The following DOCK4 variants were observed in gnomAD, a reference collection of about 807,000 sequenced individuals.
DOCK4 encodes dedicator of cytokinesis protein 4.
Under a neutral mutation model 268.1 loss-of-function variants are expected in DOCK4, and 97 were observed. The observed-to-expected ratio is 0.36, with a 90% confidence interval of 0.31 to 0.43. DOCK4 has a LOEUF of 0.43. Ranked by LOEUF, DOCK4 falls within the 20% of genes least tolerant of loss-of-function variation. The pLI is 1.00. For missense variants in DOCK4, 2,145 were observed against 2,455.7 expected, an observed-to-expected ratio of 0.87 and a Z score of 2.67; for synonymous variants, 954 against 887.2, an observed-to-expected ratio of 1.08 and a Z score of -1.34.
chr7:111,753,437 T>C (rs1200046637), intron 42 of DOCK4, among the ~76,000 whole-genome samples: 1 of 152,138 alleles, frequency 6.6e-6, no homozygotes, highest in East Asian at 1.9e-4. Flanking sequence ...ATCATATCAC[T>C]GCACTCCAGC....
chr7:111,978,902 A>G (rs1172859559), intron 7 of DOCK4, among the ~76,000 whole-genome samples: 11 of 152,204 alleles, frequency 7.2e-5, no homozygotes, highest in Admixed American at 7.2e-4. Flanking sequence ...AGGCTTGTGT[A>G]TTAATAGAAC....
At position 111,847,016 on chromosome 7, in the gene DOCK4, T is replaced by A. The variant is rs759232164; in HGVS notation, c.2584A>T (p.Ile862Phe). The A allele has an allele frequency of 6.2e-7, 1 of 1,613,564 alleles. No homozygotes were observed. The highest frequency in any genetic ancestry group is 2.2e-5 in the East Asian group (1 of 44,872). ...ARILSNVFCLIKKNSSEKSVL... is the reference protein window; with the variant it reads ...ARILSNVFCLFKKNSSEKSVL... The stretch of plus-strand genomic sequence containing the variant: ...TTACTTACTGAGCTATTTTTCTTGA[T>A]AAGACAAAATACGTTGCTAAGGATA... The change falls in exon 24 of 53, where the codon ATC (isoleucine) becomes TTC (phenylalanine). Residue 862 changes from isoleucine to phenylalanine, a missense_variant. By Grantham distance (21) the Ile-to-Phe change is conservative (BLOSUM62 0). Coordinates refer to ENST00000428084, the MANE Select transcript of DOCK4 (RefSeq NM_001363540.2).
intron 23 of DOCK4, among the ~76,000 whole-genome samples, chr7:111,853,740 A>G (rs1804774817): frequency 6.6e-6 from 1 of 152,164 alleles, no homozygotes; most frequent in East Asian, 1.9e-4. Flanking sequence ...TCCTAAAGCA[A>G]GACACATGTA....
intron 8 of DOCK4, chr7:111,971,400 C>A: frequency 4.7e-6 from 1 of 212,512 alleles, no homozygotes. Context: ...CCAAGCTAAC[C>A]TGTGTGAAAG....
chr7:112,010,192 C>T (rs1284602001), intron 1 of DOCK4, among the ~76,000 whole-genome samples: 1 of 152,072 alleles, frequency 6.6e-6, no homozygotes, highest in African/African-American at 2.4e-5. Context: ...AAGGGGTCAC[C>T]TCTTCTACAT....
intron 1 of DOCK4, among the ~76,000 whole-genome samples, chr7:112,142,723 A>G (rs955545432): frequency 1.3e-5 from 2 of 152,108 alleles, no homozygotes; most frequent in Admixed American, 6.6e-5. Flanking sequence ...AATTTTGTGT[A>G]TATCATTCAC....
At chr7:111,907,429 G>A (rs1417542308) in intron 13 of DOCK4, among the ~76,000 whole-genome samples, 1 of 151,916 alleles carries the variant, frequency 6.6e-6, no homozygotes, top group Non-Finnish European at 1.5e-5. Flanking sequence ...AATGCATGGA[G>A]ATCTGGCAGC....
intron 28 of DOCK4, among the ~76,000 whole-genome samples, chr7:111,811,405 G>C (rs1404248156): frequency 6.6e-6 from 1 of 151,996 alleles, no homozygotes; most frequent in Non-Finnish European, 1.5e-5. Flanking sequence ...AGAATTTGTA[G>C]GCACCCAGGC....
At chr7:112,167,081 GA>G (rs770548423) in intron 1 of DOCK4, among the ~76,000 whole-genome samples, 4 of 152,182 alleles carry the variant, frequency 2.6e-5, no homozygotes, top group Non-Finnish European at 2.9e-5. Context: ...AACTACAAAA[GA>G]ATTCATTAGT....
At chr7:111,798,454 G>T (rs760387522) in intron 30 of DOCK4, among the ~76,000 whole-genome samples, 40 of 152,298 alleles carry the variant, frequency 2.6e-4, no homozygotes, top group Middle Eastern at 3.4e-3. Context: ...AGACTGTAAG[G>T]AGTGTCTCAG....
intron 20 of DOCK4, among the ~76,000 whole-genome samples, chr7:111,869,961 G>A (rs1337561698): frequency 6.6e-6 from 1 of 152,168 alleles, no homozygotes; most frequent in African/African-American, 2.4e-5. Context: ...CAAGTGCCTG[G>A]CAGTGTGAGT....
chr7:112,193,432 C>T (rs1338957049), intron 1 of DOCK4, among the ~76,000 whole-genome samples: 2 of 151,410 alleles, frequency 1.3e-5, no homozygotes, highest in African/African-American at 4.9e-5. Context: ...CCTGTTTCTA[C>T]AAAAAATGAA....
chr7:112,065,409 G>A (rs903555433), intron 1 of DOCK4, among the ~76,000 whole-genome samples: 2 of 151,812 alleles, frequency 1.3e-5, no homozygotes, highest in African/African-American at 4.8e-5. Flanking sequence ...CTCCCTCAGT[G>A]CCTTGCCTTC....
intron 1 of DOCK4, among the ~76,000 whole-genome samples, chr7:112,018,177 A>G (rs60504770): frequency 1.2e-5 from 1 of 82,406 alleles, no homozygotes; most frequent in Non-Finnish European, 3.0e-5. Context: ...AAAAAAAAAA[A>G]AAACACAGGC....
chr7:111,878,249 T>C (rs1807076349), intron 16 of DOCK4, among the ~76,000 whole-genome samples: 1 of 152,210 alleles, frequency 6.6e-6, no homozygotes, highest in South Asian at 2.1e-4. Flanking sequence ...GGTCCCAGAT[T>C]TGAACAAACC....
At chr7:112,075,934 T>C (rs573605841) in intron 1 of DOCK4, among the ~76,000 whole-genome samples, 1 of 152,350 alleles carries the variant, frequency 6.6e-6, no homozygotes, top group Non-Finnish European at 1.5e-5. Context: ...TTTACTCATG[T>C]CCTTACACTA....
At chr7:111,936,056 T>G (rs2134723256) in intron 11 of DOCK4, among the ~76,000 whole-genome samples, 1 of 152,286 alleles carries the variant, frequency 6.6e-6, no homozygotes, top group Admixed American at 6.5e-5. Context: ...TACTAGAACT[T>G]TAAACTAACA....
intron 25 of DOCK4, among the ~76,000 whole-genome samples, chr7:111,841,451 G>A (rs1174762108): frequency 3.3e-5 from 5 of 151,922 alleles, no homozygotes; most frequent in East Asian, 1.9e-4. Context: ...ATAAGACACC[G>A]CGCCTGGCCT....
chr7:111,743,267 A>T (rs1396293058), intron 44 of DOCK4, among the ~76,000 whole-genome samples: 1 of 152,176 alleles, frequency 6.6e-6, no homozygotes, highest in Non-Finnish European at 1.5e-5. Flanking sequence ...AACGAATCCT[A>T]TATCACCACA....
Sources: allele counts gnomAD v4.1 joint callset (sites outside exome capture counted in the v4.1 genomes callset), GRCh38; gene constraint gnomAD v4.1.1; transcripts MANE v1.5; gene names NCBI Gene and HGNC (gene_info 2026-07-23, HGNC 2026-07-21).